The following ZBTB20 variants were observed in gnomAD, a reference collection of about 807,000 sequenced individuals.
The protein encoded by ZBTB20 is zinc finger and BTB domain containing 20, also known as zinc finger and BTB domain-containing protein 20.
In ZBTB20, 9 loss-of-function variants were observed where a neutral mutation model predicts 56.9. The ratio of observed to expected loss-of-function variants is 0.16; its 90% CI spans 0.10 to 0.28. The LOEUF is 0.28. ZBTB20 is among the 10% of genes least tolerant of loss of function. The pLI is 1.00. For missense variants in ZBTB20, 655 were observed against 1,003.0 expected (o/e 0.65, Z 4.69); for synonymous variants, 417 against 420.7 (o/e 0.99, Z 0.11).
chr3:114,434,929 T>C (rs1425636497), intron 7 of ZBTB20, among the ~76,000 whole-genome samples: 1 of 152,094 alleles, frequency 6.6e-6, no homozygotes, highest in Non-Finnish European at 1.5e-5. Flanking sequence ...GTAGGACACA[T>C]GTGGAAGAGA....
intron 8 of ZBTB20, among the ~76,000 whole-genome samples, chr3:114,384,570 A>G (rs888022067): frequency 6.6e-6 from 1 of 152,234 alleles, no homozygotes; most frequent in Non-Finnish European, 1.5e-5. Context: ...AAGGAGAACA[A>G]AAACATTTTC....
chr3:114,952,362 T>A (rs530860607), intron 3 of ZBTB20, among the ~76,000 whole-genome samples: 2 of 152,190 alleles, frequency 1.3e-5, no homozygotes, highest in South Asian at 4.1e-4. Context: ...AGATCACCCT[T>A]GTTAGATGCT....
At chr3:114,645,315 T>C (rs980879064) in intron 6 of ZBTB20, among the ~76,000 whole-genome samples, 3 of 152,178 alleles carry the variant, frequency 2.0e-5, no homozygotes, top group African/African-American at 7.2e-5. Context: ...AAATAATTAC[T>C]ATATGTGATT....
intron 10 of ZBTB20, among the ~76,000 whole-genome samples, chr3:114,364,615 A>G (rs1160805552): frequency 1.3e-5 from 2 of 152,226 alleles, no homozygotes; most frequent in Non-Finnish European, 2.9e-5. Flanking sequence ...CCTCTAGTAC[A>G]GCAATCTCTA....
At chr3:114,452,543 T>C (rs9883949) in intron 7 of ZBTB20, among the ~76,000 whole-genome samples, 28,954 of 152,094 alleles carry the variant, frequency 0.19, 4,333 homozygotes, top group African/African-American at 0.39. Context: ...AGACTCCTTG[T>C]TATCAAGTTA....
At chr3:114,347,097 T>G (rs1238335747) in intron 11 of ZBTB20, among the ~76,000 whole-genome samples, 4 of 141,004 alleles carry the variant, frequency 2.8e-5, no homozygotes, top group Admixed American at 7.0e-5. Flanking sequence ...TTTTTTTTTT[T>G]TTTTTTTTTT....
intron 7 of ZBTB20, among the ~76,000 whole-genome samples, chr3:114,471,026 T>C (rs1038429538): frequency 3.3e-5 from 5 of 152,134 alleles, no homozygotes; most frequent in African/African-American, 1.2e-4. Flanking sequence ...TCCTAAGTCT[T>C]TGTTCAGAAA....
rs764553235 is a variant in ZBTB20 at position 114,332,397 on chromosome 3, A to G, written c.*6608T>C. Reference sequence around the variant, plus strand: ...TGCTGGATTGTTCTCCTTGTTAAGGAAATGTTTAAAACTAGTACTCCCGGG... The same window carrying G: ...TGCTGGATTGTTCTCCTTGTTAAGGGAATGTTTAAAACTAGTACTCCCGGG... On this transcript the variant is annotated 3_prime_UTR_variant, in exon 12 of 12. Transcript: ENST00000675478. 1 of 152,262 alleles carries G rather than the reference A, an allele frequency of 6.6e-6. No homozygotes were observed. Among genetic ancestry groups the G allele is most frequent in the Non-Finnish European group, 1.5e-5 (1 of 68,050 alleles). The allele number at this position is 152,262 out of a possible 1,614,324, so 9.4% of individuals were successfully genotyped here. A position where few individuals can be genotyped will look rare whatever the true frequency, so the allele number is the denominator to read the frequency against.
intron 7 of ZBTB20, among the ~76,000 whole-genome samples, chr3:114,417,627 A>G (rs1051485149): frequency 4.6e-5 from 7 of 152,122 alleles, no homozygotes; most frequent in African/African-American, 1.7e-4. Context: ...GAGTCTGAAC[A>G]GTTCTTGTTT....
intron 10 of ZBTB20, among the ~76,000 whole-genome samples, chr3:114,352,687 T>C (rs1163073843): frequency 6.6e-6 from 1 of 152,190 alleles, no homozygotes; most frequent in Admixed American, 6.5e-5. Flanking sequence ...TGAGGCTTAA[T>C]GAAGGAGGAA....
At chr3:114,839,785 T>C (rs1238444456) in intron 4 of ZBTB20, among the ~76,000 whole-genome samples, 1 of 152,188 alleles carries the variant, frequency 6.6e-6, no homozygotes, top group Admixed American at 6.5e-5. Flanking sequence ...GAAGGCCATG[T>C]GAAGACAGAG....
At chr3:114,481,265 T>TA (rs376629043) in intron 7 of ZBTB20, among the ~76,000 whole-genome samples, 24,749 of 146,348 alleles carry the variant, frequency 0.17, 2,736 homozygotes, top group African/African-American at 0.32. Context: ...AAGGATACAT[T>TA]AAAAAAAAAA....
intron 5 of ZBTB20, among the ~76,000 whole-genome samples, chr3:114,792,961 C>T (rs1479365165): frequency 1.3e-5 from 2 of 151,106 alleles, no homozygotes; most frequent in East Asian, 3.9e-4. Flanking sequence ...CTGCAACCTC[C>T]GCCTCCTGGG....
intron 3 of ZBTB20, among the ~76,000 whole-genome samples, chr3:114,937,941 C>CA (rs938532873): frequency 1.3e-5 from 2 of 151,490 alleles, no homozygotes; most frequent in Non-Finnish European, 1.5e-5. Context: ...ACTAAAAACA[C>CA]AAAAAAATTG....
At chr3:114,458,002 G>A (rs919642367) in intron 7 of ZBTB20, among the ~76,000 whole-genome samples, 1 of 152,138 alleles carries the variant, frequency 6.6e-6, no homozygotes, top group African/African-American at 2.4e-5. Flanking sequence ...TCTTGTTTTC[G>A]AATTATAGAA....
chr3:114,738,076 T>C (rs936366328), intron 5 of ZBTB20, among the ~76,000 whole-genome samples: 1 of 152,102 alleles, frequency 6.6e-6, no homozygotes, highest in African/African-American at 2.4e-5. Flanking sequence ...TAGGTCAATA[T>C]GATAATTTAA....
intron 4 of ZBTB20, among the ~76,000 whole-genome samples, chr3:114,870,410 T>C (rs1002374699): frequency 1.3e-5 from 2 of 150,400 alleles, no homozygotes. Flanking sequence ...TCATCTAGTA[T>C]GAATCACATA....
intron 6 of ZBTB20, among the ~76,000 whole-genome samples, chr3:114,512,759 C>T (rs913697828): frequency 7.9e-5 from 12 of 152,112 alleles, no homozygotes; most frequent in African/African-American, 2.4e-4. Context: ...ATCTGAAGCA[C>T]CATTTTTTTC....
chr3:114,970,680 A>T lies in ZBTB20; in HGVS notation c.-456+3686T>A, dbSNP rs189981092. On this transcript the variant is annotated intron_variant, in intron 3 of 11. Transcript: ENST00000675478. ...TTAATCTTTTCAAGCCAATAAGGTC[A>T]CAATCAATTACTTGAGATAGCAGAA... Among the ~76,000 whole-genome samples, 542 of 152,328 alleles carry T rather than the reference A, an allele frequency of 3.6e-3. 3 individuals are homozygous for T. The highest frequency in any genetic ancestry group is 0.012 in the African/African-American group (515 of 41,572).
Sources: gnomAD v4.1 joint callset for allele counts (sites outside exome capture counted in the v4.1 genomes callset) on GRCh38, gnomAD v4.1.1 for gene constraint, MANE v1.5 for transcripts, NCBI Gene and HGNC (gene_info 2026-07-23, HGNC 2026-07-21) for gene names.